MACROD2: variants seen among roughly 807,000 people sequenced by gnomAD.
MACROD2 encodes the protein mono-ADP ribosylhydrolase 2, also known as ADP-ribose glycohydrolase MACROD2.
In MACROD2, 36 loss-of-function variants were observed where a neutral mutation model predicts 70.4. That is an observed-to-expected ratio of 0.51 (90% CI 0.39 to 0.68). The LOEUF is 0.68. Ranked by LOEUF, MACROD2 falls within the 30% of genes least tolerant of loss-of-function variation. The pLI is 0.00. For synonymous variants in MACROD2, 172 were observed against 178.8 expected, an observed-to-expected ratio of 0.96 and a Z score of 0.30; for missense variants, 496 against 538.4, an observed-to-expected ratio of 0.92 and a Z score of 0.78.
At chr20:14,524,698 G>T (rs747359510) in intron 4 of MACROD2, among the ~76,000 whole-genome samples, 4 of 152,120 alleles carry the variant, frequency 2.6e-5, no homozygotes, top group Non-Finnish European at 5.9e-5. Flanking sequence ...GCCACTAAGA[G>T]GGAAAGGGAG....
chr20:14,818,877 G>A (rs905952171), intron 5 of MACROD2, among the ~76,000 whole-genome samples: 2 of 126,168 alleles, frequency 1.6e-5, no homozygotes, highest in African/African-American at 6.2e-5. Context: ...GGTGGCTGCT[G>A]TGATGGCAAT....
chr20:14,523,720 A>G (rs1333061926), intron 4 of MACROD2, among the ~76,000 whole-genome samples: 6 of 152,222 alleles, frequency 3.9e-5, no homozygotes, highest in African/African-American at 1.4e-4. Context: ...AGATGTCAGC[A>G]TAGCATCCTC....
intron 6 of MACROD2, among the ~76,000 whole-genome samples, chr20:15,294,069 C>T (rs929532022): frequency 6.8e-6 from 1 of 147,648 alleles, no homozygotes; most frequent in Non-Finnish European, 1.5e-5. Flanking sequence ...TGCAGTGAGC[C>T]GAGATCAGGC....
intron 6 of MACROD2, among the ~76,000 whole-genome samples, chr20:15,342,049 G>A (rs1253165134): frequency 6.6e-6 from 1 of 151,836 alleles, no homozygotes. Flanking sequence ...GCGAGACCCT[G>A]CCCCTGAAAA....
chr20:14,702,607 ATATG>A, intron 5 of MACROD2, among the ~76,000 whole-genome samples: 1 of 61,308 alleles, frequency 1.6e-5, no homozygotes, highest in African/African-American at 6.4e-5. Context: ...GTGTGTATAT[ATATG>A]TGTATATATA....
intron 3 of MACROD2, among the ~76,000 whole-genome samples, chr20:14,371,543 A>G (rs757410723): frequency 1.3e-5 from 2 of 152,184 alleles, no homozygotes; most frequent in Non-Finnish European, 2.9e-5. Context: ...GTTTGTATCC[A>G]TTTGAATATC....
At chr20:15,708,907 T>C (rs1039566962) in intron 8 of MACROD2, among the ~76,000 whole-genome samples, 1 of 152,084 alleles carries the variant, frequency 6.6e-6, no homozygotes, top group Admixed American at 6.5e-5. Flanking sequence ...ATACTTGTAG[T>C]CTAAGCAACT....
At chr20:14,201,513 T>C (rs2081479311) in intron 3 of MACROD2, among the ~76,000 whole-genome samples, 1 of 152,306 alleles carries the variant, frequency 6.6e-6, no homozygotes, top group Middle Eastern at 3.4e-3. Context: ...TCACTGATGA[T>C]AGTTTATTAT....
intron 6 of MACROD2, among the ~76,000 whole-genome samples, chr20:15,346,846 C>T (rs993646272): frequency 6.6e-6 from 1 of 152,158 alleles, no homozygotes; most frequent in South Asian, 2.1e-4. Flanking sequence ...GAGATGGAAA[C>T]CTGTAGTGTG....
chr20:14,626,958 G>A (rs926598509), intron 4 of MACROD2: 1 of 152,182 alleles, frequency 6.6e-6, no homozygotes, highest in African/African-American at 2.4e-5. Context: ...GAATTGGCAA[G>A]GGATAGTAGA....
chr20:14,706,547 A>G (rs937537812), intron 5 of MACROD2, among the ~76,000 whole-genome samples: 1 of 152,120 alleles, frequency 6.6e-6, no homozygotes, highest in African/African-American at 2.4e-5. Context: ...TTCCCCTCCA[A>G]CAGTGAAACA....
At chr20:14,994,986 A>G (rs1469874312) in intron 5 of MACROD2, among the ~76,000 whole-genome samples, 3 of 152,200 alleles carry the variant, frequency 2.0e-5, no homozygotes, top group African/African-American at 7.2e-5. Flanking sequence ...AAAAAGAAAA[A>G]AAAGTAACAA....
At chr20:15,044,516 G>C (rs1311310958) in intron 5 of MACROD2, among the ~76,000 whole-genome samples, 1 of 151,888 alleles carries the variant, frequency 6.6e-6, no homozygotes, top group Non-Finnish European at 1.5e-5. Flanking sequence ...CATTCTCTCT[G>C]CCTGGAGAGC....
chr20:14,582,718 A>G (rs1023774622), intron 4 of MACROD2, among the ~76,000 whole-genome samples: 1 of 152,174 alleles, frequency 6.6e-6, no homozygotes, highest in African/African-American at 2.4e-5. Context: ...ACAGTTAAAC[A>G]TATTAATAAG....
intron 6 of MACROD2, among the ~76,000 whole-genome samples, chr20:15,282,121 C>T (rs2077451103): frequency 6.6e-6 from 1 of 152,206 alleles, no homozygotes. Flanking sequence ...CCAAAGATTG[C>T]ACAAAGCAGC....
At chr20:15,971,427 A>G (rs918007903) in intron 13 of MACROD2, among the ~76,000 whole-genome samples, 1 of 152,072 alleles carries the variant, frequency 6.6e-6, no homozygotes, top group African/African-American at 2.4e-5. Flanking sequence ...GTTTCCCTGC[A>G]CACACTCTCT....
chr20:15,651,313 G>A (rs1050862791), intron 8 of MACROD2, among the ~76,000 whole-genome samples: 5 of 152,138 alleles, frequency 3.3e-5, no homozygotes, highest in Non-Finnish European at 2.9e-5. Flanking sequence ...AGCACAGCAC[G>A]CAAACTGCTT....
intron 10 of MACROD2, among the ~76,000 whole-genome samples, chr20:15,910,847 A>G (rs777925199): frequency 6.6e-6 from 1 of 152,226 alleles, no homozygotes; most frequent in Non-Finnish European, 1.5e-5. Context: ...AACTGTTTTA[A>G]GCAAACTTGT....
At chr20:15,192,052 A>ATCTC (rs1555791205) in intron 5 of MACROD2, among the ~76,000 whole-genome samples, 5 of 150,762 alleles carry the variant, frequency 3.3e-5, no homozygotes, top group South Asian at 2.1e-4. Context: ...CTATCTATCT[A>ATCTC]TCTATCTATC....
Sources: allele counts gnomAD v4.1 joint callset (sites outside exome capture counted in the v4.1 genomes callset), GRCh38; gene constraint gnomAD v4.1.1; transcripts MANE v1.5; gene names NCBI Gene and HGNC (gene_info 2026-07-23, HGNC 2026-07-21).